GSTCD: variants seen among roughly 807,000 people sequenced by gnomAD.
GSTCD encodes glutathione S-transferase C-terminal domain-containing protein.
In GSTCD, 44 loss-of-function variants were observed where a neutral mutation model predicts 68.3. The ratio of observed to expected loss-of-function variants is 0.64; its 90% CI spans 0.51 to 0.83. The LOEUF (loss-of-function observed/expected upper bound fraction) is 0.83. Ranked by LOEUF, GSTCD falls within the 40% of genes least tolerant of loss-of-function variation. The probability of loss-of-function intolerance (pLI) is 0.00; values close to 1 mark genes in which losing one functional copy is unlikely to be tolerated. For missense variants in GSTCD, 739 were observed against 735.9 expected, an observed-to-expected ratio of 1.00 and a Z score of -0.05; for synonymous variants, 273 against 255.2, an observed-to-expected ratio of 1.07 and a Z score of -0.67.
intron 5 of GSTCD, among the ~76,000 whole-genome samples, chr4:105,814,950 C>A (rs556374192): frequency 6.6e-6 from 1 of 152,310 alleles, no homozygotes; most frequent in South Asian, 2.1e-4. Flanking sequence ...GTATGAATAG[C>A]CCTGCCTTTG....
chr4:105,734,993 C>T (rs1733406372), intron 5 of GSTCD, among the ~76,000 whole-genome samples: 2 of 152,236 alleles, frequency 1.3e-5, no homozygotes, highest in East Asian at 1.9e-4. Context: ...TGCAGAACAG[C>T]GAATATTGTT....
Position 105,792,543 on chromosome 4 carries a change from C to T in GSTCD, c.1241-30411C>T, listed in dbSNP as rs149799393. On this transcript the variant is annotated intron_variant, in intron 5 of 11. Coordinates refer to ENST00000515279, the MANE Select transcript of GSTCD (RefSeq NM_001370181.1). ...AGTCAATACTTAAGAAATCAGAATC[C>T]GGGCATATTAAAAAATACTAGAGCC... 5.9e-5 allele frequency among the ~76,000 whole-genome samples: 9 copies of T among 151,946 alleles called. No homozygotes were observed. The East Asian group carries it at 1.4e-3, about 23-fold the overall frequency.
At position 105,846,977 on chromosome 4, in the gene GSTCD, T is replaced by C. The variant is rs764797812; in HGVS notation, c.*1400T>C. 16 of 152,286 alleles carry C rather than the reference T, an allele frequency of 1.1e-4. No individual in the cohort carries two copies. The highest frequency in any genetic ancestry group is 2.2e-4 in the Non-Finnish European group (15 of 68,018). The allele number at this position is 152,286 out of a possible 1,614,324, so 9.4% of individuals were successfully genotyped here. ...CCTGGCCATGTTCTTTATGGAATAC[T>C]ACAATGTGTTGTCACAGGATTTGTT... is the stretch of plus-strand genomic sequence containing the variant. On this transcript the variant is annotated 3_prime_UTR_variant, in exon 12 of 12. Transcript: ENST00000515279.
intron 5 of GSTCD, among the ~76,000 whole-genome samples, chr4:105,797,432 TTACAC>T (rs1735937901): frequency 1.3e-5 from 2 of 152,206 alleles, no homozygotes; most frequent in South Asian, 4.1e-4. Flanking sequence ...AAAGTTGTGT[TTACAC>T]TATACTGTAG....
intron 3 of GSTCD, among the ~76,000 whole-genome samples, chr4:105,721,243 C>T (rs1166638933): frequency 6.6e-6 from 1 of 152,092 alleles, no homozygotes; most frequent in Non-Finnish European, 1.5e-5. Context: ...AGAATTCATC[C>T]TTCTTTGATA....
intron 5 of GSTCD, among the ~76,000 whole-genome samples, chr4:105,734,348 T>C (rs951651171): frequency 1.3e-5 from 2 of 152,264 alleles, no homozygotes; most frequent in Non-Finnish European, 2.9e-5. Flanking sequence ...TTTGGTCTTT[T>C]CACATAGTCC....
chr4:105,834,471 A>G lies in GSTCD; in HGVS notation c.1541A>G (p.His514Arg). The G allele has an allele frequency of 1.2e-6, 2 of 1,613,792 alleles. No individual in the cohort carries two copies. The highest frequency in any genetic ancestry group is 8.5e-7 in the Non-Finnish European group (1 of 1,179,878). Residue 514 changes from histidine (H) to arginine (R), a missense_variant, in exon 9 of 12, where the codon CAT becomes CGT. Transcript: ENST00000515279. ...TGMFNIGVAL[H>R]ACGVATDMVI... The stretch of plus-strand genomic sequence containing the variant: ...GGTTTTATTTTGTAGGTAGCATTGC[A>G]TGCTTGTGGAGTGGCAACAGACATG...
At chr4:105,845,311 C>A in intron 11 of GSTCD, 130 bp from the exon 12 acceptor site, 1 of 863,594 alleles carries the variant, frequency 1.2e-6, no homozygotes, top group Non-Finnish European at 1.7e-6. Flanking sequence ...AGAAACTAAA[C>A]AAGACTTAGG....
intron 5 of GSTCD, among the ~76,000 whole-genome samples, chr4:105,748,084 G>A (rs1434153305): frequency 1.3e-5 from 2 of 151,894 alleles, no homozygotes; most frequent in African/African-American, 4.8e-5. Context: ...GTAAAACCCC[G>A]TCTCAACCTA....
chr4:105,743,634 T>TTC (rs1351078044), intron 5 of GSTCD, among the ~76,000 whole-genome samples: 3 of 151,398 alleles, frequency 2.0e-5, no homozygotes, highest in African/African-American at 7.3e-5. Flanking sequence ...ACTTAAATAT[T>TTC]TCCTAAAAAC....
intron 3 of GSTCD, among the ~76,000 whole-genome samples, chr4:105,721,713 T>C (rs1439285973): frequency 6.6e-6 from 1 of 152,150 alleles, no homozygotes; most frequent in Non-Finnish European, 1.5e-5. Context: ...ATAAACCTGC[T>C]GCAAGCTCTT....
chr4:105,810,311 A>G (rs1045087240), intron 5 of GSTCD, among the ~76,000 whole-genome samples: 1 of 152,122 alleles, frequency 6.6e-6, no homozygotes, highest in African/African-American at 2.4e-5. Context: ...AGGAAGAAAT[A>G]TATAAGACCT....
At chr4:105,761,736 A>C (rs752979842) in intron 5 of GSTCD, 1 of 152,178 alleles carries the variant, frequency 6.6e-6, no homozygotes, top group African/African-American at 2.4e-5. Context: ...ATAGGGATAT[A>C]CTATGGAAAG....
rs562673409 is a variant in GSTCD, at chr4:105,847,641, G to C, written c.*2064G>C. On this transcript the variant is annotated 3_prime_UTR_variant, in exon 12 of 12. Transcript: ENST00000515279. ...TATTTTCATAATGAATGTTTTACTT[G>C]TGATGAAGATTTAACTTACCCTTTT... The C allele has an allele frequency of 2.0e-5, 3 of 152,058 alleles. No homozygotes were observed. Among genetic ancestry groups the C allele is most frequent in the Non-Finnish European group, 4.4e-5 (3 of 67,996 alleles). 9.4% of individuals were successfully genotyped at this position (152,058 alleles called of 1,614,324 possible).
intron 1 of GSTCD, among the ~76,000 whole-genome samples, chr4:105,712,078 T>C (rs1732555508): frequency 1.3e-5 from 2 of 152,242 alleles, no homozygotes; most frequent in Non-Finnish European, 2.9e-5. Context: ...CTAAAGTTAT[T>C]AATAATACTC....
intron 5 of GSTCD, among the ~76,000 whole-genome samples, chr4:105,794,096 A>T (rs1412610434): frequency 6.6e-6 from 1 of 152,136 alleles, no homozygotes; most frequent in Non-Finnish European, 1.5e-5. Context: ...GAAAATGAGC[A>T]TCTCATGAAG....
chr4:105,834,338 T>C (rs1411020655), intron 8 of GSTCD, 123 bp from the exon 9 acceptor site: 1 of 731,424 alleles, frequency 1.4e-6, no homozygotes, highest in African/African-American at 1.8e-5. Flanking sequence ...GTTTTCATAA[T>C]TAATTGATAT....
intron 4 of GSTCD, among the ~76,000 whole-genome samples, chr4:105,728,579 C>T (rs1380054288): frequency 6.6e-6 from 1 of 151,840 alleles, no homozygotes; most frequent in Non-Finnish European, 1.5e-5. Context: ...ATCTCATAAA[C>T]TGATACAAAG....
intron 4 of GSTCD, among the ~76,000 whole-genome samples, chr4:105,728,539 A>T (rs1464490993): frequency 6.6e-6 from 1 of 152,138 alleles, no homozygotes; most frequent in Admixed American, 6.6e-5. Flanking sequence ...TTCGGGACAC[A>T]AATTCAGCTA....
Sources: allele counts gnomAD v4.1 joint callset (sites outside exome capture counted in the v4.1 genomes callset), GRCh38; gene constraint gnomAD v4.1.1; transcripts MANE v1.5; gene names NCBI Gene and HGNC (gene_info 2026-07-23, HGNC 2026-07-21).